NRXN3: variants seen among roughly 807,000 people sequenced by gnomAD.
NRXN3 encodes the protein neurexin III.
NRXN3 carries 32 observed loss-of-function variants against 137.6 expected under a neutral mutation model. That is an observed-to-expected ratio of 0.23 (90% CI 0.18 to 0.31). The LOEUF is 0.31. Among genes scored for constraint, NRXN3 ranks in the 10% least tolerant of loss-of-function variants. The pLI, the probability that NRXN3 is intolerant of heterozygous loss-of-function variation, is 1.00. For missense variants in NRXN3, 1,574 were observed against 2,062.5 expected (o/e 0.76, Z 4.59); for synonymous variants, 798 against 784.5 (o/e 1.02, Z -0.29).
At chr14:79,845,410 T>C (rs1404388801) in intron 20 of NRXN3, among the ~76,000 whole-genome samples, 2 of 152,172 alleles carry the variant, frequency 1.3e-5, no homozygotes, top group Non-Finnish European at 2.9e-5. Context: ...CAATCATTTC[T>C]AGCTTTAAAG....
intron 4 of NRXN3, among the ~76,000 whole-genome samples, chr14:78,370,811 G>A (rs1342183335): frequency 6.6e-6 from 1 of 152,206 alleles, no homozygotes; most frequent in Non-Finnish European, 1.5e-5. Flanking sequence ...TTCACTGTAA[G>A]CTTTGGAAAC....
intron 5 of NRXN3, among the ~76,000 whole-genome samples, chr14:78,648,155 C>T (rs1301310966): frequency 6.6e-6 from 1 of 152,180 alleles, no homozygotes; most frequent in African/African-American, 2.4e-5. Flanking sequence ...CTACCTGTAT[C>T]TATTGCAAAC....
chr14:78,853,795 T>A (rs2099049502), intron 10 of NRXN3, among the ~76,000 whole-genome samples: 2 of 152,166 alleles, frequency 1.3e-5, no homozygotes, highest in Non-Finnish European at 2.9e-5. Flanking sequence ...ACTTCTACCC[T>A]TCCCTTTTTG....
chr14:79,581,048 G>A (rs1010063494), intron 16 of NRXN3, among the ~76,000 whole-genome samples: 6 of 152,200 alleles, frequency 3.9e-5, no homozygotes, highest in Admixed American at 1.3e-4. Flanking sequence ...TTCCCTCTCC[G>A]TGGTCCTGTT....
At chr14:79,279,774 G>T in intron 15 of NRXN3, 2 of 989,686 alleles carry the variant, frequency 2.0e-6, no homozygotes, top group Non-Finnish European at 2.4e-6. Context: ...TTGCCTGGCA[G>T]TTCTGCATTG....
chr14:79,107,135 T>C (rs190610831), intron 15 of NRXN3, among the ~76,000 whole-genome samples: 1 of 152,316 alleles, frequency 6.6e-6, no homozygotes, highest in Admixed American at 6.5e-5. Context: ...GCTTATAATA[T>C]TCTGCTGGAC....
At chr14:78,561,963 CAAT>C (rs926767322) in intron 4 of NRXN3, among the ~76,000 whole-genome samples, 4 of 152,156 alleles carry the variant, frequency 2.6e-5, no homozygotes, top group African/African-American at 7.2e-5. Flanking sequence ...AAGAAAGTCA[CAAT>C]AATATTTCCC....
chr14:79,375,621 C>T (rs182804354), intron 15 of NRXN3, among the ~76,000 whole-genome samples: 11 of 152,090 alleles, frequency 7.2e-5, no homozygotes, highest in African/African-American at 1.4e-4. Flanking sequence ...GTTGTTCTTC[C>T]GATGACTGGC....
At chr14:79,716,156 C>T (rs902390032) in intron 19 of NRXN3, among the ~76,000 whole-genome samples, 8 of 152,200 alleles carry the variant, frequency 5.3e-5, no homozygotes, top group African/African-American at 1.9e-4. Flanking sequence ...CCTGCTCTCC[C>T]AGTCTGAACC....
chr14:79,514,716 T>C (rs1418159097), intron 16 of NRXN3, among the ~76,000 whole-genome samples: 1 of 152,160 alleles, frequency 6.6e-6, no homozygotes, highest in Non-Finnish European at 1.5e-5. Flanking sequence ...GCTAGAACCA[T>C]GGCTCACCTG....
chr14:79,153,014 C>T (rs1596530021), intron 15 of NRXN3, among the ~76,000 whole-genome samples: 4 of 151,928 alleles, frequency 2.6e-5, no homozygotes, highest in East Asian at 3.9e-4. Flanking sequence ...CTAGGGTTCA[C>T]AAAACAATGA....
At chr14:78,615,365 C>T (rs575814891) in intron 4 of NRXN3, among the ~76,000 whole-genome samples, 1 of 151,830 alleles carries the variant, frequency 6.6e-6, no homozygotes, top group Admixed American at 6.6e-5. Flanking sequence ...CTTTGGGAGG[C>T]CGAGGTGGGT....
chr14:79,308,595 G>T (rs540714645), intron 15 of NRXN3, among the ~76,000 whole-genome samples: 1 of 152,184 alleles, frequency 6.6e-6, no homozygotes, highest in South Asian at 2.1e-4. Context: ...CTTTGAGGGA[G>T]GGGTCTGTGC....
chr14:79,517,100 C>CT (rs909927039), intron 16 of NRXN3, among the ~76,000 whole-genome samples: 12 of 146,016 alleles, frequency 8.2e-5, no homozygotes, highest in South Asian at 2.2e-4. Flanking sequence ...CAGCCCCCCC[C>CT]CCCTCAACGA....
chr14:79,291,610 G>A (rs919578267), intron 15 of NRXN3, among the ~76,000 whole-genome samples: 1 of 144,896 alleles, frequency 6.9e-6, no homozygotes, highest in East Asian at 2.1e-4. Flanking sequence ...GCACAATCAG[G>A]TTGGGTATTT....
intron 8 of NRXN3, among the ~76,000 whole-genome samples, chr14:78,726,401 C>G (rs2098483598): frequency 6.6e-6 from 1 of 151,142 alleles, no homozygotes; most frequent in Admixed American, 6.6e-5. Flanking sequence ...CATGTGTTCT[C>G]ATTTTTCAAC....
chr14:78,394,895 T>A (rs1344428912), intron 4 of NRXN3, among the ~76,000 whole-genome samples: 1 of 151,830 alleles, frequency 6.6e-6, no homozygotes, highest in African/African-American at 2.4e-5. Flanking sequence ...CCTTTTGATA[T>A]GTTCGGGGGC....
chr14:78,623,841 T>A (rs1218523345), intron 4 of NRXN3, among the ~76,000 whole-genome samples: 2 of 152,202 alleles, frequency 1.3e-5, no homozygotes, highest in Non-Finnish European at 2.9e-5. Context: ...ATGTTGGGAT[T>A]ACAGTCATGC....
In NRXN3 at chr14:79,420,608, C is replaced by T. The variant is rs76509941; in HGVS notation, c.3263-46613C>T. Among the ~76,000 whole-genome samples the T allele has an allele frequency of 5.7e-3, 875 of 152,214 alleles. 9 individuals are homozygous for T. Among genetic ancestry groups the T allele is most frequent in the African/African-American group, 0.02 (841 of 41,540 alleles). ...TAGGAATTGGCCTGGATAATCTCTA[C>T]GGTCCCTCCCATGACATGTCTGTCA... is the stretch of plus-strand genomic sequence containing the variant. On this transcript the variant is annotated intron_variant, in intron 15 of 20. Coordinates refer to ENST00000335750, the MANE Select transcript of NRXN3 (RefSeq NM_001330195.2).
Sources: allele counts gnomAD v4.1 joint callset (sites outside exome capture counted in the v4.1 genomes callset), GRCh38; gene constraint gnomAD v4.1.1; transcripts MANE v1.5; gene names NCBI Gene and HGNC (gene_info 2026-07-23, HGNC 2026-07-21).